RIPPLY3: variants seen among roughly 807,000 people sequenced by gnomAD.
RIPPLY3 encodes the protein protein ripply3.
RIPPLY3 carries 8 observed loss-of-function variants against 11.9 expected under a neutral mutation model. That is an observed-to-expected ratio of 0.67 (90% confidence interval 0.40 to 1.21). The LOEUF (loss-of-function observed/expected upper bound fraction) is 1.21, where lower values mean the gene tolerates loss of function less well. Ranked by LOEUF, RIPPLY3 falls within the 50% of genes most tolerant of loss-of-function variation. The probability of loss-of-function intolerance (pLI) is 0.01; values close to 1 mark genes in which losing one functional copy is unlikely to be tolerated. For missense variants in RIPPLY3, 271 were observed against 246.0 expected (o/e 1.10, Z -0.68); for synonymous variants, 102 against 99.0 (o/e 1.03, Z -0.18).
At position 37,019,189 on chromosome 21, in the gene RIPPLY3, G is replaced by C. The variant is rs1453966315; in HGVS notation, c.*982G>C. ...TGAGGCAGGAGAATGGCTAGAACCC[G>C]GGAGGCGGAGGTTGCCGTGAGTCGA... is the stretch of plus-strand genomic sequence containing the variant. On this transcript the variant is annotated 3_prime_UTR_variant, in exon 4 of 4. Transcript: ENST00000329553. 6.7e-6 allele frequency: 1 copy of C among 149,862 alleles called. No individual in the cohort carries two copies. The highest frequency in any genetic ancestry group is 1.5e-5 in the Non-Finnish European group (1 of 67,730). The allele number at this position is 149,862 out of a possible 1,614,324, so 9.3% of individuals were successfully genotyped here.
chr21:37,006,644 C>A, upstream of RIPPLY3: 1 of 491,174 alleles, frequency 2.0e-6, no homozygotes, highest in Non-Finnish European at 3.1e-6. The surrounding 1 kb of genome is among the most constrained non-coding windows in gnomAD (Gnocchi z 5.2). Flanking sequence ...CCCCTCCCAG[C>A]GCTTGCCCGC....
intron 3 of RIPPLY3, among the ~76,000 whole-genome samples, chr21:37,016,109 C>T (rs1309291657): frequency 6.6e-6 from 1 of 152,106 alleles, no homozygotes; most frequent in Admixed American, 6.6e-5. Flanking sequence ...AAAAATGGAA[C>T]TATGCTCATA....
At chr21:37,009,408 TATTAA>T (rs2069499093) in intron 2 of RIPPLY3, among the ~76,000 whole-genome samples, 1 of 152,226 alleles carries the variant, frequency 6.6e-6, no homozygotes, top group Admixed American at 6.5e-5. Context: ...TACACGACTT[TATTAA>T]ATTAATCTGA....
intron 2 of RIPPLY3, among the ~76,000 whole-genome samples, chr21:37,010,513 A>G (rs2069510747): frequency 6.6e-6 from 1 of 152,038 alleles, no homozygotes; most frequent in East Asian, 1.9e-4. Flanking sequence ...ATAAAACCCA[A>G]AAAACCCTCA....
intron 2 of RIPPLY3, 29 bp downstream of exon 2, chr21:37,008,252 ACCCTT>A: frequency 6.2e-7 from 1 of 1,611,542 alleles, no homozygotes; most frequent in Non-Finnish European, 8.5e-7. Flanking sequence ...GTTGTAGGTA[ACCCTT>A]CCAGCCAGAA....
At position 37,019,397 on chromosome 21, in the gene RIPPLY3, G is replaced by A. The variant is rs2069618162; in HGVS notation, c.*1190G>A. ...GTATGAATTTATAGGGAGTAGAACC[G>A]TCTCTCTTCTTAGTTGGTGACTGTT... is the stretch of plus-strand genomic sequence containing the variant. On this transcript the variant is annotated 3_prime_UTR_variant, in exon 4 of 4. Coordinates refer to ENST00000329553, the MANE Select transcript of RIPPLY3 (RefSeq NM_018962.3). 1.3e-5 allele frequency: 2 copies of A among 152,068 alleles called. No individual in the cohort carries two copies. The highest frequency in any genetic ancestry group is 1.5e-5 in the Non-Finnish European group (1 of 68,034). 9.4% of individuals were successfully genotyped at this position (152,068 alleles called of 1,614,324 possible).
chr21:37,010,080 C>A (rs1466152960), intron 2 of RIPPLY3, among the ~76,000 whole-genome samples: 2 of 152,216 alleles, frequency 1.3e-5, no homozygotes, highest in East Asian at 1.9e-4. Context: ...GGACAATTCC[C>A]CAGCTCCCAA....
Position 37,015,099 on chromosome 21 carries a change from C to T in RIPPLY3, c.239+1481C>T, listed in dbSNP as rs147501064. Reference sequence around the variant, plus strand: ...AAAATACAGATGCCTGGGTGGTTCTCCCAGGCACTCGGATTCGCTTGCTCT... The same window carrying T: ...AAAATACAGATGCCTGGGTGGTTCTTCCAGGCACTCGGATTCGCTTGCTCT... On this transcript the variant is annotated intron_variant, in intron 3 of 3. Transcript: ENST00000329553. 1.3e-4 allele frequency among the ~76,000 whole-genome samples: 20 copies of T among 152,274 alleles called. No homozygotes were observed. In the East Asian group the frequency reaches 3.7e-3, roughly 28 times the overall value.
chr21:37,011,022 T>A (rs1207084340), intron 2 of RIPPLY3, among the ~76,000 whole-genome samples: 4 of 152,134 alleles, frequency 2.6e-5, no homozygotes, highest in African/African-American at 9.6e-5. Context: ...AGTTTCGCTC[T>A]TGTCGCCCAG....
At chr21:37,008,043 G>C in intron 1 of RIPPLY3, 114 bp from the exon 2 acceptor site, 1 of 1,033,976 alleles carries the variant, frequency 9.7e-7, no homozygotes, top group Non-Finnish European at 1.4e-6. Flanking sequence ...GTTCCTGGGG[G>C]GTCCGGTGCC....
Position 37,013,262 on chromosome 21 carries a change from G to A in RIPPLY3, c.172-289G>A, listed in dbSNP as rs552729727. On this transcript the variant is annotated intron_variant, in intron 2 of 3. Transcript: ENST00000329553. ...GTATCTTACCGTGTGATGCTTTGTA[G>A]CTGGTTATTAGCATACATGTGCGTC... 5.9e-5 allele frequency among the ~76,000 whole-genome samples: 9 copies of A among 152,228 alleles called. No individual in the cohort carries two copies. In the South Asian group the frequency reaches 1.7e-3, roughly 28 times the overall value.
In RIPPLY3 at chr21:37,006,925, T is replaced by TTCCAACGCACAGCTCTGAA; in HGVS notation, c.104+49_104+50insTCCAACGCACAGCTCTGAA. On this transcript the variant is annotated intron_variant, in intron 1 of 3. Transcript: ENST00000329553. The surrounding 1 kb of genome is among the most constrained non-coding windows in gnomAD (Gnocchi z 5.2). ...TGGACGCGCTGAGAGGCGTGCGCGG[T>TTCCAACGCACAGCTCTGAA]GGCGGTGCGGGGAGCGCAGCGAGCG... is the stretch of plus-strand genomic sequence containing the variant. 9.3e-7 allele frequency: 1 copy of TTCCAACGCACAGCTCTGAA among 1,080,804 alleles called. No homozygotes were observed. Among genetic ancestry groups the TTCCAACGCACAGCTCTGAA allele is most frequent in the South Asian group, 4.6e-5 (1 of 21,610 alleles). The allele number at this position is 1,080,804 out of a possible 1,614,324, so 67.0% of individuals were successfully genotyped here. A position where few individuals can be genotyped will look rare whatever the true frequency, so the allele number is the denominator to read the frequency against.
At chr21:37,016,561 G>A (rs1425594394) in intron 3 of RIPPLY3, among the ~76,000 whole-genome samples, 1 of 151,972 alleles carries the variant, frequency 6.6e-6, no homozygotes, top group Non-Finnish European at 1.5e-5. Flanking sequence ...GTCGAGGCAT[G>A]GTGGCTCATA....
rs765265564 is a variant in RIPPLY3 at position 37,017,869 on chromosome 21, A to G, written c.240-5A>G. The G allele has an allele frequency of 6.2e-7, 1 of 1,600,236 alleles. No individual in the cohort carries two copies. The highest frequency in any genetic ancestry group is 8.5e-7 in the Non-Finnish European group (1 of 1,172,550). ...TTAATGGTATATTTGTTTCTTAAAT[A>G]TTAGAGTCTATTTACCCATGTCAAA... is the stretch of plus-strand genomic sequence containing the variant. On this transcript the variant is annotated splice_region_variant and splice_polypyrimidine_tract_variant and intron_variant, in intron 3 of 3. Coordinates refer to ENST00000329553, the MANE Select transcript of RIPPLY3 (RefSeq NM_018962.3).
Position 37,008,194 on chromosome 21 carries a change from G to A in RIPPLY3, c.142G>A (p.Asp48Asn), listed in dbSNP as rs1306330117. 6.2e-7 allele frequency: 1 copy of A among 1,614,178 alleles called. No homozygotes were observed. The highest frequency in any genetic ancestry group is 1.1e-5 in the South Asian group (1 of 91,084). Residue 48 changes from aspartate to asparagine, a missense_variant, in exon 2 of 4, where the codon GAT becomes AAT. Physicochemically the swap from Asp to Asn is conservative, Grantham distance 23. Coordinates refer to ENST00000329553, the MANE Select transcript of RIPPLY3 (RefSeq NM_018962.3). The stretch of plus-strand genomic sequence containing the variant: ...GCGACCTTGGATCCAGACACCTGGA[G>A]ATGCTGAGCTGACCAGAACTGGAAG... Reference protein sequence around the residue: ...PWRPWIQTPGDAELTRTGRPL... With the variant: ...PWRPWIQTPGNAELTRTGRPL...
rs1039479664 is a variant in RIPPLY3 at position 37,018,476 on chromosome 21, G to C, written c.*269G>C. 4.5e-6 allele frequency: 2 copies of C among 449,238 alleles called. No homozygotes were observed. Among genetic ancestry groups the C allele is most frequent in the South Asian group, 3.2e-5 (1 of 31,016 alleles). 27.8% of individuals were successfully genotyped at this position (449,238 alleles called of 1,614,324 possible). On this transcript the variant is annotated 3_prime_UTR_variant, in exon 4 of 4. Coordinates refer to ENST00000329553, the MANE Select transcript of RIPPLY3 (RefSeq NM_018962.3). ...ATGTCAACAGAGTTGTTATCTCATA[G>C]AGCCAGTTTTCAAAGCTCCTTCTGC...
chr21:37,010,666 T>C (rs2069512358), intron 2 of RIPPLY3, among the ~76,000 whole-genome samples: 1 of 152,144 alleles, frequency 6.6e-6, no homozygotes, highest in Non-Finnish European at 1.5e-5. Context: ...TCCTGGCCAC[T>C]TGCGGGCACT....
chr21:37,006,873 A>G lies in RIPPLY3; in HGVS notation c.101A>G (p.Glu34Gly). ...PWRPPPPRGP[E>G]SPAPWRPWIQ... is the part of the protein sequence containing the mutation. Reference sequence around the variant, plus strand: ...AGGCCTCCGCCACCGCGCGGGCCGGAGAGGTGAGGGTGGCCCCGCGCCCCG... The same window carrying G: ...AGGCCTCCGCCACCGCGCGGGCCGGGGAGGTGAGGGTGGCCCCGCGCCCCG... The change falls in exon 1 of 4, where the codon GAG becomes GGG. Residue 34 changes from glutamate (E) to glycine (G), a missense_variant. By Grantham distance (98) the Glu-to-Gly change is moderately conservative. Coordinates refer to ENST00000329553, the MANE Select transcript of RIPPLY3 (RefSeq NM_018962.3). This position sits in a 1 kb window ranked among gnomAD's most constrained non-coding sequence, Gnocchi z 5.2. 8.2e-7 allele frequency: 1 copy of G among 1,216,410 alleles called. No individual in the cohort carries two copies. The highest frequency in any genetic ancestry group is 3.2e-4 in the Middle Eastern group (1 of 3,118). The allele number at this position is 1,216,410 out of a possible 1,614,324, so 75.4% of individuals were successfully genotyped here.
In RIPPLY3 at chr21:37,006,750, G is replaced by C; in HGVS notation, c.-23G>C. On this transcript the variant is annotated 5_prime_UTR_variant, in exon 1 of 4. Coordinates refer to ENST00000329553, the MANE Select transcript of RIPPLY3 (RefSeq NM_018962.3). This position sits in a 1 kb window ranked among gnomAD's most constrained non-coding sequence, Gnocchi z 5.2. ...CGCTCGTAGGCCGGCGCCGCAGCAA[G>C]GGGCGCGGGCTCCGCCGGCACCATG... 8.2e-7 allele frequency: 1 copy of C among 1,220,066 alleles called. No homozygotes were observed. Among genetic ancestry groups the C allele is most frequent in the Admixed American group, 4.3e-5 (1 of 23,324 alleles). 75.6% of individuals were successfully genotyped at this position (1,220,066 alleles called of 1,614,324 possible). A position where few individuals can be genotyped will look rare whatever the true frequency, so the allele number is the denominator to read the frequency against.
Sources: allele counts gnomAD v4.1 joint callset (sites outside exome capture counted in the v4.1 genomes callset), GRCh38; gene constraint gnomAD v4.1.1; non-coding constraint Gnocchi (gnomAD v3.1); transcripts MANE v1.5; gene names NCBI Gene and HGNC (gene_info 2026-07-23, HGNC 2026-07-21).